Variants in MLIP observed in about 807,000 individuals in gnomAD.
MLIP encodes the protein muscular LMNA-interacting protein.
Under a neutral mutation model 84.8 loss-of-function variants are expected in MLIP, and 79 were observed. The ratio of observed to expected loss-of-function variants is 0.93; its 90% CI spans 0.78 to 1.12. MLIP has a LOEUF of 1.12. Ranked by LOEUF, MLIP falls within the 50% of genes most tolerant of loss-of-function variation. The pLI is 0.00. For missense variants in MLIP, 1,257 were observed against 1,160.6 expected (o/e 1.08, Z -1.21); for synonymous variants, 504 against 463.0 (o/e 1.09, Z -1.14).
chr6:54,156,236 C>T (rs1416635036), intron 5 of MLIP, among the ~76,000 whole-genome samples: 1 of 152,012 alleles, frequency 6.6e-6, no homozygotes, highest in African/African-American at 2.4e-5. Flanking sequence ...TTAAAAAAAT[C>T]AATTCTAGTA....
intron 5 of MLIP, among the ~76,000 whole-genome samples, chr6:54,149,684 C>T (rs998845139): frequency 6.6e-6 from 1 of 152,116 alleles, no homozygotes; most frequent in African/African-American, 2.4e-5. Flanking sequence ...AGTGGTCCTA[C>T]TTTCATGAAC....
At chr6:54,049,125 G>A (rs1216244181) in intron 1 of MLIP, among the ~76,000 whole-genome samples, 5 of 152,114 alleles carry the variant, frequency 3.3e-5, no homozygotes, top group African/African-American at 1.2e-4. Context: ...CACTGAACCA[G>A]GGCTCTTGAC....
intron 9 of MLIP, among the ~76,000 whole-genome samples, chr6:54,188,789 A>T (rs1777643505): frequency 1.3e-5 from 2 of 152,004 alleles, no homozygotes; most frequent in South Asian, 4.1e-4. Flanking sequence ...AAGACCCCCA[A>T]AACACAAGAA....
intron 12 of MLIP, among the ~76,000 whole-genome samples, chr6:54,231,687 A>G (rs1241319543): frequency 6.6e-6 from 1 of 152,192 alleles, no homozygotes; most frequent in Non-Finnish European, 1.5e-5. Flanking sequence ...TTAACTGGTT[A>G]AACTTTAATT....
intron 3 of MLIP, among the ~76,000 whole-genome samples, chr6:54,129,048 C>A (rs1270535774): frequency 6.6e-6 from 1 of 151,818 alleles, no homozygotes; most frequent in African/African-American, 2.4e-5. Flanking sequence ...AAAATAAGAC[C>A]AAAAGAACTG....
intron 5 of MLIP, among the ~76,000 whole-genome samples, chr6:54,159,236 AG>A (rs747548857): frequency 6.6e-5 from 10 of 152,036 alleles, no homozygotes; most frequent in Non-Finnish European, 1.3e-4. Context: ...ATATCAATCT[AG>A]GCTTAGGGTA....
chr6:54,062,808 A>G (rs1022761272), intron 1 of MLIP, among the ~76,000 whole-genome samples: 1 of 152,224 alleles, frequency 6.6e-6, no homozygotes, highest in African/African-American at 2.4e-5. Context: ...GCCTTTTCAT[A>G]TATATTTTGG....
At chr6:54,026,211 T>C (rs1164947634) in intron 1 of MLIP, among the ~76,000 whole-genome samples, 1 of 152,170 alleles carries the variant, frequency 6.6e-6, no homozygotes, top group Admixed American at 6.5e-5. Context: ...GATTATATGG[T>C]TGATCTCTCT....
intron 13 of MLIP, among the ~76,000 whole-genome samples, chr6:54,265,399 C>G (rs149688482): frequency 1.3e-5 from 2 of 152,194 alleles, no homozygotes; most frequent in East Asian, 3.9e-4. Context: ...ATTGGAATCA[C>G]TCCTCTACCA....
chr6:54,137,004 G>A lies in MLIP; in HGVS notation c.935G>A (p.Ser312Asn). 1 of 1,536,026 alleles carries A rather than the reference G, an allele frequency of 6.5e-7. No homozygotes were observed. Among genetic ancestry groups the A allele is most frequent in the South Asian group, 1.2e-5 (1 of 84,060 alleles). Residue 312 changes from serine to asparagine, a missense_variant, in exon 4 of 14, where the codon AGT becomes AAT. Coordinates refer to ENST00000502396, the MANE Select transcript of MLIP (RefSeq NM_001281747.2). Reference protein sequence around the residue: ...STQLSGSNLPSSTAADPKPGL... With the variant: ...STQLSGSNLPNSTAADPKPGL... The stretch of plus-strand genomic sequence containing the variant: ...CAACTATCAGGTTCTAATTTACCCA[G>A]TTCAACTGCAGCAGATCCAAAGCCT...
In MLIP at chr6:54,137,729, CCA is replaced by C. The variant is rs1771940752; in HGVS notation, c.1662_1663del (p.Pro555LysfsTer10). ...CAGTTCTGTGGGTCTTCCTCCTGTTCCACCAAGCTCTTCTCTTTCCTCTTTGA... is the reference window on the plus strand; with the variant it reads ...CAGTTCTGTGGGTCTTCCTCCTGTTCCCAAGCTCTTCTCTTTCCTCTTTGA... ...TSSSVGLPPV[P>X]PSSSLSSLKS... On this transcript the variant is annotated frameshift_variant, in exon 4 of 14. Coordinates refer to ENST00000502396, the MANE Select transcript of MLIP (RefSeq NM_001281747.2). LOFTEE classifies it high-confidence loss of function. 6.5e-7 allele frequency: 1 copy of C among 1,535,966 alleles called. No homozygotes were observed. Among genetic ancestry groups the C allele is most frequent in the Non-Finnish European group, 8.7e-7 (1 of 1,146,888 alleles).
At chr6:54,042,406 T>G (rs1388217788) in intron 1 of MLIP, among the ~76,000 whole-genome samples, 4 of 152,140 alleles carry the variant, frequency 2.6e-5, no homozygotes, top group Non-Finnish European at 5.9e-5. Context: ...CTTTTTCTTC[T>G]TTGATTTTAA....
In MLIP at chr6:54,164,811, A is replaced by G. The variant is rs547649284; in HGVS notation, c.2499+4012A>G. On this transcript the variant is annotated intron_variant, in intron 8 of 13. Coordinates refer to ENST00000502396, the MANE Select transcript of MLIP (RefSeq NM_001281747.2). ...GTAGCTCTTTTTTTTTTAATTGCTG[A>G]TTAGTAGTCCACTGTGTGGATGTTC... Among the ~76,000 whole-genome samples, 6 of 151,242 alleles carry G rather than the reference A, an allele frequency of 4.0e-5. No individual in the cohort carries two copies. In the East Asian group the frequency reaches 1.2e-3, roughly 30 times the overall value.
chr6:54,023,816 C>T (rs144637937), intron 1 of MLIP, among the ~76,000 whole-genome samples: 4,069 of 152,116 alleles, frequency 0.027, 177 homozygotes, highest in African/African-American at 0.093. Context: ...GTGATCCACC[C>T]GCCTCAGCCT....
intron 4 of MLIP, among the ~76,000 whole-genome samples, chr6:54,145,292 G>A (rs542663762): frequency 6.6e-6 from 1 of 152,164 alleles, no homozygotes; most frequent in East Asian, 1.9e-4. Flanking sequence ...CTTAAGAGGA[G>A]GTGTGTTTCA....
chr6:54,120,191 T>C (rs773487979), intron 1 of MLIP, among the ~76,000 whole-genome samples: 1 of 152,240 alleles, frequency 6.6e-6, no homozygotes, highest in Non-Finnish European at 1.5e-5. Flanking sequence ...CCTCAACTTA[T>C]GCTTTTGGCT....
intron 1 of MLIP, among the ~76,000 whole-genome samples, chr6:54,073,497 G>A (rs1468379387): frequency 3.9e-5 from 6 of 152,044 alleles, no homozygotes; most frequent in South Asian, 2.1e-4. Flanking sequence ...AGTCCTAAAC[G>A]CATGTACTTT....
intron 3 of MLIP, among the ~76,000 whole-genome samples, chr6:54,127,987 T>C (rs1237173632): frequency 6.6e-6 from 1 of 152,142 alleles, no homozygotes; most frequent in Non-Finnish European, 1.5e-5. Flanking sequence ...GAAAGACCTA[T>C]GATAAAGTTT....
chr6:54,033,288 A>G (rs1427533445), intron 1 of MLIP, among the ~76,000 whole-genome samples: 1 of 143,672 alleles, frequency 7.0e-6, no homozygotes, highest in Non-Finnish European at 1.5e-5. Flanking sequence ...TTTTTTTGAG[A>G]TGGAGTCTCG....
Sources: allele counts gnomAD v4.1 joint callset (sites outside exome capture counted in the v4.1 genomes callset), GRCh38; gene constraint gnomAD v4.1.1; transcripts MANE v1.5; gene names NCBI Gene and HGNC (gene_info 2026-07-23, HGNC 2026-07-21).